Variants in SSH1 observed in about 807,000 individuals in gnomAD.
The protein encoded by SSH1 is slingshot protein phosphatase 1, also known as protein phosphatase Slingshot homolog 1.
In SSH1, 43 loss-of-function variants were observed where a neutral mutation model predicts 79.7. The ratio of observed to expected loss-of-function variants is 0.54; its 90% CI spans 0.42 to 0.70. The LOEUF (loss-of-function observed/expected upper bound fraction) is 0.70. Ranked by LOEUF, SSH1 falls within the 30% of genes least tolerant of loss-of-function variation. SSH1 has a pLI of 0.00. For synonymous variants in SSH1, 599 were observed against 538.3 expected, an observed-to-expected ratio of 1.11 and a Z score of -1.56; for missense variants, 1,206 against 1,358.8, an observed-to-expected ratio of 0.89 and a Z score of 1.77.
chr12:108,811,701 G>T, intron 5 of SSH1: 2 of 354,752 alleles, frequency 5.6e-6, no homozygotes, highest in Non-Finnish European at 1.1e-5. Flanking sequence ...CAGGGGGAGC[G>T]TGCTCACACC....
intron 1 of SSH1, chr12:108,852,949 G>T: frequency 4.1e-6 from 4 of 985,392 alleles, no homozygotes; most frequent in Non-Finnish European, 4.8e-6. Flanking sequence ...TTCCTATCTG[G>T]TGTTGTTACC....
chr12:108,822,348 A>G (rs11114064), intron 3 of SSH1, among the ~76,000 whole-genome samples: 48,918 of 151,900 alleles, frequency 0.32, 8,088 homozygotes, highest in South Asian at 0.44. Flanking sequence ...TGTTCGGGTT[A>G]GTCTGGAACT....
chr12:108,851,271 A>G (rs944423284), intron 2 of SSH1, among the ~76,000 whole-genome samples: 64 of 152,112 alleles, frequency 4.2e-4, no homozygotes, highest in African/African-American at 1.5e-3. Context: ...AAAAGTGAGT[A>G]TTTCCCCTCC....
chr12:108,783,542 C>G lies in SSH1; in HGVS notation c.*4446G>C, dbSNP rs555557177. ...AGTGGAGGACTGGTGATCTGCTTAT[C>G]GGGACTCCTGTCTGAGACAGTGACT... On this transcript the variant is annotated 3_prime_UTR_variant, in exon 15 of 15. Transcript: ENST00000326495. The G allele has an allele frequency of 3.9e-5, 6 of 152,336 alleles. No homozygotes were observed. In the South Asian group the frequency reaches 1.2e-3, roughly 32 times the overall value. 9.4% of individuals were successfully genotyped at this position (152,336 alleles called of 1,614,324 possible).
At position 108,779,130 on chromosome 12, in the gene SSH1, G is replaced by T. The variant is rs2036124309; in HGVS notation, c.*8858C>A. 3 of 152,138 alleles carry T rather than the reference G, an allele frequency of 2.0e-5. No individual in the cohort carries two copies. Among genetic ancestry groups the T allele is most frequent in the Non-Finnish European group, 4.4e-5 (3 of 68,030 alleles). 9.4% of individuals were successfully genotyped at this position (152,138 alleles called of 1,614,324 possible). On this transcript the variant is annotated 3_prime_UTR_variant, in exon 15 of 15. Transcript: ENST00000326495. Reference sequence around the variant, plus strand: ...TTGTCTTTTAGAGTCGGATGCTGGAGCATCCTCTCCTAGGCTGGGAGGTTG... The same window carrying T: ...TTGTCTTTTAGAGTCGGATGCTGGATCATCCTCTCCTAGGCTGGGAGGTTG...
intron 2 of SSH1, among the ~76,000 whole-genome samples, chr12:108,844,965 A>G (rs544801874): frequency 2.6e-5 from 4 of 151,992 alleles, no homozygotes; most frequent in East Asian, 3.9e-4. Flanking sequence ...AAAAATTTGC[A>G]GGGTACACCT....
intron 10 of SSH1, among the ~76,000 whole-genome samples, chr12:108,802,665 T>C (rs2037069027): frequency 6.6e-6 from 1 of 152,032 alleles, no homozygotes; most frequent in African/African-American, 2.4e-5. Flanking sequence ...CCCACTTCCT[T>C]TCCTAAGAGT....
In SSH1 at chr12:108,789,210, T is replaced by C. The variant is rs1288735543; in HGVS notation, c.1928A>G (p.Lys643Arg). 1.9e-6 allele frequency: 3 copies of C among 1,603,918 alleles called. No homozygotes were observed. The highest frequency in any genetic ancestry group is 3.5e-5 in the Admixed American group (2 of 57,808). ...DAIFGILNKV[K>R]PSYKSCADCM... Reference sequence around the variant, plus strand: ...GTCGGCACAGGATTTATAGGAAGGCTTCACTTTGTTAAGGATCCCAAATAT... The same window carrying C: ...GTCGGCACAGGATTTATAGGAAGGCCTCACTTTGTTAAGGATCCCAAATAT... The change falls in exon 15 of 15, where the codon AAG (lysine) becomes AGG (arginine). Residue 643 changes from lysine (K) to arginine (R), a missense_variant. Physicochemically the swap from Lys to Arg is conservative, Grantham distance 26. This residue lies in a region of SSH1 where 709 missense variants were observed against 730.6 expected (regional missense o/e 0.97). Transcript: ENST00000326495.
chr12:108,796,490 A>G (rs1324639790), intron 13 of SSH1, among the ~76,000 whole-genome samples: 1 of 152,252 alleles, frequency 6.6e-6, no homozygotes, highest in Non-Finnish European at 1.5e-5. Context: ...GCGCAATGTC[A>G]TGAAGGTTCA....
intron 2 of SSH1, among the ~76,000 whole-genome samples, chr12:108,829,891 C>T (rs1043571559): frequency 3.3e-5 from 5 of 152,058 alleles, no homozygotes; most frequent in African/African-American, 1.2e-4. Flanking sequence ...CAGTTGACCC[C>T]TGGAGTTCAA....
At chr12:108,833,028 G>C (rs2038511326) in intron 2 of SSH1, among the ~76,000 whole-genome samples, 1 of 152,168 alleles carries the variant, frequency 6.6e-6, no homozygotes, top group South Asian at 2.1e-4. Context: ...TTCTCTCAGA[G>C]AGAAGGAATG....
chr12:108,847,221 T>C (rs1245440907), intron 2 of SSH1, among the ~76,000 whole-genome samples: 1 of 152,142 alleles, frequency 6.6e-6, no homozygotes. Context: ...ATCACACAAC[T>C]ACTCCACAAC....
intron 11 of SSH1, 70 bp from the exon 12 acceptor site, chr12:108,800,996 A>G: frequency 6.8e-7 from 1 of 1,481,016 alleles, no homozygotes; most frequent in Non-Finnish European, 9.3e-7. Flanking sequence ...GGTAATAAAA[A>G]CTGGCAGAGA....
Position 108,817,596 on chromosome 12 carries a change from A to G in SSH1, c.280-437T>C, listed in dbSNP as rs183198830. Among the ~76,000 whole-genome samples the G allele has an allele frequency of 4.0e-4, 61 of 152,148 alleles. No individual in the cohort carries two copies. The East Asian group carries it at 7.2e-3, about 18-fold the overall frequency. ...TCTCAAACAACAACAACACAACAAA[A>G]CACAAAGCGGAAGTTCTTGACAGCA... is the stretch of plus-strand genomic sequence containing the variant. On this transcript the variant is annotated intron_variant, in intron 4 of 14. Coordinates refer to ENST00000326495, the MANE Select transcript of SSH1 (RefSeq NM_018984.4).
At chr12:108,820,560 C>T (rs1281335911) in intron 3 of SSH1, among the ~76,000 whole-genome samples, 1 of 152,164 alleles carries the variant, frequency 6.6e-6, no homozygotes, top group African/African-American at 2.4e-5. Flanking sequence ...GGATTGTTTG[C>T]TGAGATATGG....
chr12:108,801,755 A>G (rs944377566), intron 11 of SSH1, among the ~76,000 whole-genome samples: 1 of 146,502 alleles, frequency 6.8e-6, no homozygotes, highest in African/African-American at 2.5e-5. Flanking sequence ...AAAAAAAAAA[A>G]GTCCAGACAT....
chr12:108,811,600 G>A, intron 5 of SSH1: 1 of 504,208 alleles, frequency 2.0e-6, no homozygotes, highest in Non-Finnish European at 3.6e-6. Context: ...GCCCAGGGCT[G>A]GTGCTCTGCT....
rs1189034204 is a variant in SSH1, at chr12:108,788,826, A to G, written c.2312T>C (p.Val771Ala). The part of the protein sequence containing the change: ...HCDKNPPSTE[V>A]VIKEESSPKK... ...GGGTGACGATTCTTCCTTTATTACC[A>G]CTTCTGTGCTGGGAGGGTTCTTATC... The change falls in exon 15 of 15, where the codon GTG (valine) becomes GCG (alanine). Residue 771 changes from valine to alanine, a missense_variant. This residue lies in a region of SSH1 where 709 missense variants were observed against 730.6 expected (regional missense o/e 0.97). Coordinates refer to ENST00000326495, the MANE Select transcript of SSH1 (RefSeq NM_018984.4). 2 of 1,613,858 alleles carry G rather than the reference A, an allele frequency of 1.2e-6. No homozygotes were observed. Among genetic ancestry groups the G allele is most frequent in the African/African-American group, 2.7e-5 (2 of 74,826 alleles).
chr12:108,836,014 T>TATATTAATATAATCGATTATATTA (rs555341872), intron 2 of SSH1, among the ~76,000 whole-genome samples: 13,061 of 65,960 alleles, frequency 0.2, 3,287 homozygotes, highest in South Asian at 0.27. Flanking sequence ...CGATTATAAC[T>TATATTAATATAATCGATTATATTA]ATATTAATAT....
Sources: gnomAD v4.1 joint callset for allele counts (sites outside exome capture counted in the v4.1 genomes callset) on GRCh38, gnomAD v4.1.1 for gene constraint, gnomAD v4.1.1 regional missense constraint, MANE v1.5 for transcripts, NCBI Gene and HGNC (gene_info 2026-07-23, HGNC 2026-07-21) for gene names.